Variants in OR7C1 observed in about 807,000 individuals in gnomAD.
OR7C1 encodes olfactory receptor family 7 subfamily C member 1.
For synonymous variants in OR7C1, 152 were observed against 160.7 expected (o/e 0.95, Z 0.41); for missense variants, 324 against 383.3 (o/e 0.85, Z 1.29).
At chr19:14,815,657 C>T (rs145683567) in intron 1 of OR7C1, among the ~76,000 whole-genome samples, 154 of 152,242 alleles carry the variant, frequency 1.0e-3, no homozygotes, top group Admixed American at 9.0e-3. Flanking sequence ...AAACATGTTT[C>T]CCTTAGTTTA....
chr19:14,834,065 G>T (rs1316432842), intron 1 of OR7C1, among the ~76,000 whole-genome samples: 1 of 130,982 alleles, frequency 7.6e-6, no homozygotes, highest in Non-Finnish European at 1.7e-5. Flanking sequence ...TTCGAGACCA[G>T]CCTGGACAAC....
intron 1 of OR7C1, chr19:14,824,534 T>C (rs1052877754): frequency 2.6e-5 from 4 of 152,254 alleles, no homozygotes; most frequent in African/African-American, 7.2e-5. Flanking sequence ...GTTCTCTCCA[T>C]GTAGCTACAA....
intron 1 of OR7C1, among the ~76,000 whole-genome samples, chr19:14,829,649 C>A (rs1400774395): frequency 1.3e-5 from 2 of 152,178 alleles, no homozygotes; most frequent in Non-Finnish European, 2.9e-5. Flanking sequence ...GACAAAGTGT[C>A]CATCTGTCTA....
At chr19:14,815,596 C>A (rs185181225) in intron 1 of OR7C1, among the ~76,000 whole-genome samples, 13 of 152,292 alleles carry the variant, frequency 8.5e-5, no homozygotes, top group South Asian at 2.1e-4. Context: ...GTCTCCTTTC[C>A]TTTTCTAAAT....
At chr19:14,823,498 G>A (rs1233055141) in intron 1 of OR7C1, among the ~76,000 whole-genome samples, 4 of 152,146 alleles carry the variant, frequency 2.6e-5, no homozygotes, top group Non-Finnish European at 4.4e-5. Context: ...AGGGGTGTAA[G>A]TGCAGTTTTG....
intron 1 of OR7C1, among the ~76,000 whole-genome samples, chr19:14,813,873 G>T (rs2044704119): frequency 6.6e-6 from 1 of 151,986 alleles, no homozygotes. Context: ...ATGAGATTTG[G>T]GTAGGGACAC....
intron 1 of OR7C1, among the ~76,000 whole-genome samples, chr19:14,812,799 C>G (rs887591349): frequency 1.3e-5 from 2 of 151,942 alleles, no homozygotes; most frequent in Non-Finnish European, 1.5e-5. Flanking sequence ...CATGGTGGCT[C>G]ATACCTGTAA....
At chr19:14,831,763 ACTT>A (rs1270742463) in intron 1 of OR7C1, among the ~76,000 whole-genome samples, 1 of 150,864 alleles carries the variant, frequency 6.6e-6, no homozygotes, top group Non-Finnish European at 1.5e-5. Context: ...TTTTTTTGCT[ACTT>A]GTGGACTTTG....
chr19:14,810,153 G>A (rs566223350), intron 1 of OR7C1, among the ~76,000 whole-genome samples, 160 bp from the exon 2 acceptor site: 2 of 151,820 alleles, frequency 1.3e-5, no homozygotes, highest in Middle Eastern at 3.2e-3. Flanking sequence ...TTCATTCCCC[G>A]TGGGCTCACC....
At chr19:14,826,556 T>G (rs1356406643) in intron 1 of OR7C1, 2 of 152,128 alleles carry the variant, frequency 1.3e-5, no homozygotes, top group Non-Finnish European at 2.9e-5. Context: ...TCCATGCACA[T>G]CATAAAAACA....
intron 2 of OR7C1, among the ~76,000 whole-genome samples, chr19:14,806,402 A>G (rs1209362467): frequency 6.6e-6 from 1 of 152,008 alleles, no homozygotes; most frequent in East Asian, 1.9e-4. Context: ...TTTAAGTTCC[A>G]GGATACATGT....
intron 1 of OR7C1, among the ~76,000 whole-genome samples, chr19:14,818,324 G>C (rs1283589693): frequency 6.6e-6 from 1 of 152,020 alleles, no homozygotes; most frequent in African/African-American, 2.4e-5. Flanking sequence ...TCGATCTCCT[G>C]ACCTCGTGAT....
At chr19:14,815,727 T>C (rs17230384) in intron 1 of OR7C1, among the ~76,000 whole-genome samples, 38,195 of 152,040 alleles carry the variant, frequency 0.25, 5,007 homozygotes, top group Non-Finnish European at 0.29. Context: ...AAGTCAATGC[T>C]TTTTGATGAT....
chr19:14,827,286 G>C, intron 1 of OR7C1: 1 of 1,546,840 alleles, frequency 6.5e-7, no homozygotes. Context: ...CTGCAATCAT[G>C]GGCACTTCTT....
chr19:14,822,355 T>A (rs1471946207), intron 1 of OR7C1, among the ~76,000 whole-genome samples: 1 of 144,260 alleles, frequency 6.9e-6, no homozygotes. Context: ...CAGATCCTCA[T>A]CAGCACTTAT....
exon 5 of OR7C1, chr19:14,799,321 C>T: frequency 1.2e-6 from 2 of 1,614,164 alleles, no homozygotes; most frequent in Non-Finnish European, 1.7e-6. Flanking sequence ...CTGAGGCCAC[C>T]AGACTTGTCC....
At chr19:14,832,214 A>G (rs2044840203) in intron 1 of OR7C1, among the ~76,000 whole-genome samples, 1 of 151,806 alleles carries the variant, frequency 6.6e-6, no homozygotes, top group South Asian at 2.1e-4. Context: ...TTGGCCTGAC[A>G]ATTCTATTAT....
chr19:14,822,373 C>CTTTTTTTTTTTTTTTTT (rs1162241411), intron 1 of OR7C1, among the ~76,000 whole-genome samples: 4 of 67,722 alleles, frequency 5.9e-5, no homozygotes, highest in African/African-American at 1.1e-4. Context: ...TATCTCCTGT[C>CTTTTTTTTTTTTTTTTT]TTTTTTTTTT....
At chr19:14,807,065 A>T (rs1174210676) in intron 2 of OR7C1, among the ~76,000 whole-genome samples, 1 of 151,852 alleles carries the variant, frequency 6.6e-6, no homozygotes, top group African/African-American at 2.4e-5. Flanking sequence ...TAACTTTTTA[A>T]TAATTGCCAT....
Sources: gnomAD v4.1 joint callset for allele counts (sites outside exome capture counted in the v4.1 genomes callset) on GRCh38, gnomAD v4.1.1 for gene constraint, MANE v1.5 for transcripts, NCBI Gene and HGNC (gene_info 2026-07-23, HGNC 2026-07-21) for gene names.